The following MAPK8IP3 variants were observed in gnomAD, a reference collection of about 807,000 sequenced individuals.
The protein encoded by MAPK8IP3 is mitogen-activated protein kinase 8 interacting protein 3.
Under a neutral mutation model 157.8 loss-of-function variants are expected in MAPK8IP3, and 49 were observed. The observed-to-expected ratio is 0.31, with a 90% CI of 0.25 to 0.39. MAPK8IP3 has a LOEUF of 0.39. MAPK8IP3 is among the 10% of genes least tolerant of loss of function. The pLI, the probability that MAPK8IP3 is intolerant of heterozygous loss-of-function variation, is 1.00. For synonymous variants in MAPK8IP3, 897 were observed against 777.7 expected, an observed-to-expected ratio of 1.15 and a Z score of -2.55; for missense variants, 1,478 against 1,889.4, an observed-to-expected ratio of 0.78 and a Z score of 4.04.
At chr16:1,722,369 A>G (rs1181015825) in intron 1 of MAPK8IP3, among the ~76,000 whole-genome samples, 1 of 152,160 alleles carries the variant, frequency 6.6e-6, no homozygotes, top group Non-Finnish European at 1.5e-5. Context: ...GCAGAGCCCC[A>G]GTGGTTTCAA....
chr16:1,714,516 A>G (rs1217209988), intron 1 of MAPK8IP3, among the ~76,000 whole-genome samples: 1 of 151,862 alleles, frequency 6.6e-6, no homozygotes, highest in African/African-American at 2.4e-5. Flanking sequence ...GGACATTTCA[A>G]TTCTTGTTAT....
Position 1,763,122 on chromosome 16 carries a change from G to A in MAPK8IP3, c.1898+116G>A, listed in dbSNP as rs1596785125. ...CTTTGAGGGCAGCCTCCACCTTGCT[G>A]GCCACATGCCAGGGGCCGTGACCTC... On this transcript the variant is annotated intron_variant, in intron 16 of 31. Transcript: ENST00000610761. 4.3e-6 allele frequency: 6 copies of A among 1,379,794 alleles called. No individual in the cohort carries two copies. In the East Asian group the frequency reaches 1.2e-4, roughly 27 times the overall value. 85.5% of individuals were successfully genotyped at this position (1,379,794 alleles called of 1,614,324 possible). A position where few individuals can be genotyped will look rare whatever the true frequency, so the allele number is the denominator to read the frequency against.
At chr16:1,709,815 A>G (rs758262056) in intron 1 of MAPK8IP3, among the ~76,000 whole-genome samples, 57 of 152,354 alleles carry the variant, frequency 3.7e-4, no homozygotes, top group Non-Finnish European at 5.9e-4. Context: ...TGCTTAGCTT[A>G]CAAGAGGAAA....
In MAPK8IP3 at chr16:1,766,977, G is replaced by C. The variant is rs760980266; in HGVS notation, c.3088+6G>C. 8.2e-6 allele frequency: 13 copies of C among 1,583,374 alleles called. No homozygotes were observed. The East Asian group carries it at 2.5e-4, about 30-fold the overall frequency. ...CATCTTCCACCGTGGTGAAGGTGGG[G>C]CCTGGCAGCACGGGGTGTGTGGGTG... On this transcript the variant is annotated splice_donor_region_variant and intron_variant, in intron 25 of 31. Coordinates refer to ENST00000610761, the MANE Select transcript of MAPK8IP3 (RefSeq NM_001318852.2).
intron 8 of MAPK8IP3, among the ~76,000 whole-genome samples, chr16:1,752,912 G>C (rs963195892): frequency 2.6e-5 from 4 of 152,174 alleles, no homozygotes; most frequent in Admixed American, 2.0e-4. Flanking sequence ...GCGCCCCTCT[G>C]CCCTAATCAA....
intron 4 of MAPK8IP3, among the ~76,000 whole-genome samples, chr16:1,738,759 G>A (rs2040317371): frequency 7.5e-6 from 1 of 132,978 alleles, no homozygotes; most frequent in South Asian, 2.4e-4. Flanking sequence ...GACCGTCCGT[G>A]TGAGCGTCCG....
chr16:1,729,720 G>A, intron 4 of MAPK8IP3, 142 bp downstream of exon 4: 1 of 815,874 alleles, frequency 1.2e-6, no homozygotes, highest in Non-Finnish European at 2.0e-6. Context: ...GGAGACCCAG[G>A]AGGAGGGAGC....
At chr16:1,721,582 C>T (rs890442533) in intron 1 of MAPK8IP3, among the ~76,000 whole-genome samples, 1 of 152,190 alleles carries the variant, frequency 6.6e-6, no homozygotes, top group Admixed American at 6.5e-5. Context: ...CACAGCCTCC[C>T]AGCTCACTGG....
intron 11 of MAPK8IP3, 72 bp from the exon 12 acceptor site, chr16:1,760,308 G>A (rs998324508): frequency 5.2e-6 from 8 of 1,535,796 alleles, no homozygotes; most frequent in South Asian, 3.8e-5. Context: ...AAGTGCAGGC[G>A]CCCCTGGCAA....
chr16:1,747,201 A>G lies in MAPK8IP3; in HGVS notation c.920A>G (p.Lys307Arg). ...TATGGCGTGGGCTCCAAGAACAGCA[A>G]GCGTGCCCGGGAGAAGCGCGACAGC... ...GDYGVGSKNS[K>R]RAREKRDSRN... Residue 307 changes from lysine to arginine, a missense_variant, in exon 6 of 32, where the codon AAG becomes AGG. Transcript: ENST00000610761. 1 of 1,613,822 alleles carries G rather than the reference A, an allele frequency of 6.2e-7. No individual in the cohort carries two copies. Among genetic ancestry groups the G allele is most frequent in the South Asian group, 1.1e-5 (1 of 91,088 alleles).
chr16:1,760,180 C>T, intron 11 of MAPK8IP3, 165 bp downstream of exon 11: 2 of 958,700 alleles, frequency 2.1e-6, no homozygotes, highest in Non-Finnish European at 3.1e-6. Flanking sequence ...TGCCTGGTTT[C>T]TTTACGAAGC....
rs375618724 is a variant in MAPK8IP3, at chr16:1,763,794, G to A, written c.2025+11G>A. ...GCCAAGTACAAGCAGGTGCGGGCGG[G>A]CGCTGCGGGGACCGGGCGGGGCCCC... On this transcript the variant is annotated intron_variant, in intron 17 of 31. Transcript: ENST00000610761. The A allele has an allele frequency of 1.2e-4, 177 of 1,518,418 alleles. No individual in the cohort carries two copies. In the African/African-American group the frequency reaches 2.1e-3, roughly 18 times the overall value. The allele number at this position is 1,518,418 out of a possible 1,614,324, so 94.1% of individuals were successfully genotyped here.
intron 13 of MAPK8IP3, 151 bp from the exon 14 acceptor site, chr16:1,762,200 G>A (rs2041993200): frequency 5.8e-6 from 6 of 1,032,538 alleles, no homozygotes; most frequent in South Asian, 1.7e-5. Flanking sequence ...TCCCCTCCCC[G>A]CTTGCCGACA....
chr16:1,743,588 C>G lies in MAPK8IP3; in HGVS notation c.747+112C>G. On this transcript the variant is annotated intron_variant, in intron 5 of 31. Coordinates refer to ENST00000610761, the MANE Select transcript of MAPK8IP3 (RefSeq NM_001318852.2). This position sits in a 1 kb window ranked among gnomAD's most constrained non-coding sequence, Gnocchi z 5.6. ...GCCCTTCACGGCTCTCTGGGCCACT[C>G]GCCCTCTCCCTTCGTGTGTGGCAGG... 4 of 1,482,032 alleles carry G rather than the reference C, an allele frequency of 2.7e-6. No individual in the cohort carries two copies. In the South Asian group the frequency reaches 3.9e-5, roughly 15 times the overall value. The allele number at this position is 1,482,032 out of a possible 1,614,324, so 91.8% of individuals were successfully genotyped here.
At chr16:1,711,769 G>A (rs552660688) in intron 1 of MAPK8IP3, among the ~76,000 whole-genome samples, 55 of 152,018 alleles carry the variant, frequency 3.6e-4, no homozygotes, top group African/African-American at 9.2e-4. Context: ...GTGAAACCCC[G>A]TCTCTACTAA....
chr16:1,754,311 AT>A (rs1054696576), intron 8 of MAPK8IP3, among the ~76,000 whole-genome samples: 8 of 152,138 alleles, frequency 5.3e-5, no homozygotes, highest in Non-Finnish European at 8.8e-5. Context: ...TAAGGAACTT[AT>A]TTTTCTGTTT....
chr16:1,762,697 G>A lies in MAPK8IP3; in HGVS notation c.1693G>A (p.Val565Ile), dbSNP rs777933816. 3.7e-5 allele frequency: 58 copies of A among 1,568,650 alleles called. No individual in the cohort carries two copies. The highest frequency in any genetic ancestry group is 1.7e-4 in the Middle Eastern group (1 of 5,852). Residue 565 changes from valine to isoleucine, a missense_variant, in exon 15 of 32, where the codon GTC becomes ATC. Val to Ile is a conservative substitution (Grantham distance 29). Transcript: ENST00000610761. ...MIRASREHPS[V>I]QEKKKSTIWQ... is the part of the protein sequence containing the mutation. ...CAGAGCGTCCCGAGAGCACCCATCC[G>A]TCCAGGAGAAGAAGAAGTCGACCAT...
chr16:1,768,076 C>T lies in MAPK8IP3; in HGVS notation c.3531C>T (p.Val1177=). The part of the protein sequence containing the change: ...VISIPLTETV[V]LHRGQLLGLR... ...CTCCTCCCATGTCCCCAGCTGTGGT[C>T]CTGCACCGAGGCCAGCTCCTGGGGC... is the stretch of plus-strand genomic sequence containing the variant. The change falls in exon 29 of 32, where the codon GTC becomes GTT. Residue 1177 remains valine (V), a synonymous_variant. Coordinates refer to ENST00000610761, the MANE Select transcript of MAPK8IP3 (RefSeq NM_001318852.2). The T allele has an allele frequency of 1.2e-6, 2 of 1,612,416 alleles. No homozygotes were observed. The highest frequency in any genetic ancestry group is 1.7e-6 in the Non-Finnish European group (2 of 1,179,998).
chr16:1,718,709 C>G (rs1020662007), intron 1 of MAPK8IP3, among the ~76,000 whole-genome samples: 1 of 151,458 alleles, frequency 6.6e-6, no homozygotes, highest in South Asian at 2.1e-4. Flanking sequence ...AGGAGAATCG[C>G]TTGAACCTGG....
Sources: allele counts gnomAD v4.1 joint callset (sites outside exome capture counted in the v4.1 genomes callset), GRCh38; gene constraint gnomAD v4.1.1; non-coding constraint Gnocchi (gnomAD v3.1); transcripts MANE v1.5; gene names NCBI Gene and HGNC (gene_info 2026-07-23, HGNC 2026-07-21).